The following RUNX3 variants were observed in gnomAD, a reference collection of about 807,000 sequenced individuals.
RUNX3 encodes the protein RUNX family transcription factor 3, also known as runt-related transcription factor 3.
Under a neutral mutation model 27.7 loss-of-function variants are expected in RUNX3, and 10 were observed. The observed-to-expected ratio is 0.36, with a 90% confidence interval of 0.22 to 0.61. The LOEUF is 0.61. Among genes scored for constraint, RUNX3 ranks in the 20% least tolerant of loss-of-function variants. The pLI is 0.72. For synonymous variants in RUNX3, 270 were observed against 269.2 expected (o/e 1.00, Z -0.03); for missense variants, 469 against 629.5 (o/e 0.75, Z 2.73).
At chr1:24,954,618 G>A (rs988832386) in intron 2 of RUNX3, among the ~76,000 whole-genome samples, 16 of 152,316 alleles carry the variant, frequency 1.1e-4, no homozygotes, top group African/African-American at 2.9e-4. Context: ...TCATGCCGCC[G>A]TCACTAGCCC....
At chr1:24,908,870 C>A (rs1182401619) in intron 3 of RUNX3, among the ~76,000 whole-genome samples, 1 of 152,182 alleles carries the variant, frequency 6.6e-6, no homozygotes, top group Non-Finnish European at 1.5e-5. Flanking sequence ...CTCTGGGATC[C>A]CCAGAACATG....
At chr1:24,937,061 G>A (rs545184207) in intron 2 of RUNX3, among the ~76,000 whole-genome samples, 1 of 152,374 alleles carries the variant, frequency 6.6e-6, no homozygotes, top group African/African-American at 2.4e-5. Context: ...TGCCGCCTCT[G>A]ATGTCCACTG....
intron 2 of RUNX3, among the ~76,000 whole-genome samples, chr1:24,953,705 A>T (rs542458396): frequency 1.5e-3 from 222 of 152,302 alleles, no homozygotes; most frequent in African/African-American, 5.0e-3. Flanking sequence ...CTAATTCAAA[A>T]ATCTAAAATC....
At chr1:24,921,130 C>T (rs1391737855) in intron 2 of RUNX3, among the ~76,000 whole-genome samples, 1 of 152,196 alleles carries the variant, frequency 6.6e-6, no homozygotes, top group African/African-American at 2.4e-5. Context: ...CCTCTGGTGT[C>T]CCCCTGACAC....
At chr1:24,907,815 C>T (rs540929383) in intron 3 of RUNX3, among the ~76,000 whole-genome samples, 11 of 151,646 alleles carry the variant, frequency 7.3e-5, no homozygotes, top group Non-Finnish European at 5.9e-5. Flanking sequence ...CTACAACACA[C>T]GGTGATCTAA....
At chr1:24,928,096 G>A (rs139858858) in intron 1 of RUNX3, among the ~76,000 whole-genome samples, 10 of 152,342 alleles carry the variant, frequency 6.6e-5, no homozygotes, top group Admixed American at 2.0e-4. Flanking sequence ...GAATCAACAT[G>A]CTCCTAGCAA....
chr1:24,961,821 G>A (rs1015433095), intron 2 of RUNX3: 4 of 152,276 alleles, frequency 2.6e-5, no homozygotes, highest in African/African-American at 7.2e-5. Flanking sequence ...CAGGGACTGA[G>A]ATGGGATGGC....
In RUNX3 at chr1:24,902,948, T is replaced by A. The variant is rs369486083; in HGVS notation, c.704-282A>T. On this transcript the variant is annotated intron_variant, in intron 4 of 4. Transcript: ENST00000308873. This position sits in a 1 kb window ranked among gnomAD's most constrained non-coding sequence, Gnocchi z 9.2. ...AGAGGAGGGGGTCTATTCTTCTTTT[T>A]AAATCCTCCTTCCCAGCCTCGCAGA... Among the ~76,000 whole-genome samples the A allele has an allele frequency of 6.7e-4, 102 of 152,298 alleles. No individual in the cohort carries two copies. Among genetic ancestry groups the A allele is most frequent in the African/African-American group, 2.4e-3 (98 of 41,572 alleles).
chr1:24,917,437 G>A (rs186709908), intron 3 of RUNX3, among the ~76,000 whole-genome samples: 46 of 152,252 alleles, frequency 3.0e-4, no homozygotes, highest in Middle Eastern at 3.4e-3. Flanking sequence ...AAAACGCTGC[G>A]GACCCAGTGA....
chr1:24,907,840 C>G (rs1429541287), intron 3 of RUNX3, among the ~76,000 whole-genome samples: 1 of 151,680 alleles, frequency 6.6e-6, no homozygotes, highest in Non-Finnish European at 1.5e-5. Flanking sequence ...CTACAACACA[C>G]GGTGATCTAA....
intron 3 of RUNX3, among the ~76,000 whole-genome samples, chr1:24,915,279 C>G (rs897378759): frequency 1.3e-5 from 2 of 152,156 alleles, no homozygotes; most frequent in Non-Finnish European, 2.9e-5. Flanking sequence ...CAAAAATTAG[C>G]TGGGTGTGGT....
In RUNX3 at chr1:24,927,502, C is replaced by T. The variant is rs1465524923; in HGVS notation, c.439+72G>A. 2.0e-6 allele frequency: 3 copies of T among 1,503,170 alleles called. No individual in the cohort carries two copies. The highest frequency in any genetic ancestry group is 1.7e-5 in the Admixed American group (1 of 59,240). The allele number at this position is 1,503,170 out of a possible 1,614,324, so 93.1% of individuals were successfully genotyped here. A position where few individuals can be genotyped will look rare whatever the true frequency, so the allele number is the denominator to read the frequency against. Reference sequence around the variant, plus strand: ...CCTGTTTTTCGGGATTCTAAGGCCCCTCTTTCAACCTCCTTCCCTGCTGCC... The same window carrying T: ...CCTGTTTTTCGGGATTCTAAGGCCCTTCTTTCAACCTCCTTCCCTGCTGCC... On this transcript the variant is annotated intron_variant, in intron 2 of 4. Coordinates refer to ENST00000308873, the MANE Select transcript of RUNX3 (RefSeq NM_004350.3). The surrounding 1 kb of genome is among the most constrained non-coding windows in gnomAD (Gnocchi z 5.0).
chr1:24,928,151 G>T (rs1439580732), intron 1 of RUNX3, among the ~76,000 whole-genome samples: 1 of 152,160 alleles, frequency 6.6e-6, no homozygotes, highest in African/African-American at 2.4e-5. Context: ...ATAACAACAG[G>T]GCTGCTACCC....
Position 24,927,654 on chromosome 1 carries a change from T to C in RUNX3, c.359A>G (p.Glu120Gly). 3 of 1,614,128 alleles carry C rather than the reference T, an allele frequency of 1.9e-6. No homozygotes were observed. Among genetic ancestry groups the C allele is most frequent in the Non-Finnish European group, 2.5e-6 (3 of 1,180,038 alleles). The stretch of plus-strand genomic sequence containing the variant: ...CATGACGGCCGAGGCATTGCGCAGC[T>C]CAGCGGAGTAGTTCTCGTCATTGCC... ...MAGNDENYSA[E>G]LRNASAVMKN... is the part of the protein sequence containing the mutation. The change falls in exon 2 of 5, where the codon GAG becomes GGG. Residue 120 changes from glutamate (E) to glycine (G), a missense_variant. Around this residue, in one of 3 missense-constraint regions of RUNX3, gnomAD observed 75 missense variants for 168.5 expected, o/e 0.45. Coordinates refer to ENST00000308873, the MANE Select transcript of RUNX3 (RefSeq NM_004350.3). The surrounding 1 kb of genome is among the most constrained non-coding windows in gnomAD (Gnocchi z 5.0).
At chr1:24,931,077 T>C (rs1641217640), upstream of RUNX3, among the ~76,000 whole-genome samples, 1 of 152,178 alleles carries the variant, frequency 6.6e-6, no homozygotes, top group Non-Finnish European at 1.5e-5. Flanking sequence ...GCAAAATGCG[T>C]TTTTCTTTTT....
chr1:24,947,172 C>CT (rs1641628782), intron 2 of RUNX3, among the ~76,000 whole-genome samples: 1 of 152,218 alleles, frequency 6.6e-6, no homozygotes, highest in Non-Finnish European at 1.5e-5. Context: ...CTCCAGAGAG[C>CT]TGTGGGCCCT....
intron 2 of RUNX3, 194 bp from the exon 3 acceptor site, chr1:24,919,538 G>T: frequency 2.0e-6 from 1 of 490,906 alleles, no homozygotes; most frequent in South Asian, 2.4e-5. Context: ...GCCCCTGGGG[G>T]TCTGACGCCA....
At chr1:24,910,949 G>A (rs1229680548) in intron 3 of RUNX3, among the ~76,000 whole-genome samples, 2 of 152,230 alleles carry the variant, frequency 1.3e-5, no homozygotes, top group Non-Finnish European at 2.9e-5. Flanking sequence ...GGGGCCTGGA[G>A]CGGATGGGGA....
rs1017334746 is a variant in RUNX3 at position 24,943,419 on chromosome 1, C to T, written c.59-13567G>A. On this transcript the variant is annotated intron_variant, in intron 2 of 6. Coordinates refer to the RUNX3 transcript ENST00000338888. The surrounding 1 kb of genome is among the most constrained non-coding windows in gnomAD (Gnocchi z 4.6). ...GATGGTGTGCTCACGGTGCCAGGCA[C>T]GGTTCTGAGAACTCACACAGCTTAA... 2.0e-5 allele frequency among the ~76,000 whole-genome samples: 3 copies of T among 152,174 alleles called. No individual in the cohort carries two copies. The highest frequency in any genetic ancestry group is 1.9e-4 in the East Asian group (1 of 5,194).
Sources: gnomAD v4.1 joint callset for allele counts (sites outside exome capture counted in the v4.1 genomes callset) on GRCh38, gnomAD v4.1.1 for gene constraint, gnomAD v4.1.1 regional missense constraint, Gnocchi (gnomAD v3.1) non-coding constraint, MANE v1.5 for transcripts, NCBI Gene and HGNC (gene_info 2026-07-23, HGNC 2026-07-21) for gene names.